Variants in PEBP4 observed in about 807,000 individuals in gnomAD.
PEBP4 encodes the protein phosphatidylethanolamine binding protein 4.
Under a neutral mutation model 23.9 loss-of-function variants are expected in PEBP4, and 22 were observed. That is an observed-to-expected ratio of 0.92 (90% CI 0.66 to 1.31). PEBP4 has a LOEUF of 1.31. PEBP4 is among the 40% of genes most tolerant of loss of function. The pLI is 0.00. For missense variants in PEBP4, 324 were observed against 281.7 expected, an observed-to-expected ratio of 1.15 and a Z score of -1.07; for synonymous variants, 112 against 99.3, an observed-to-expected ratio of 1.13 and a Z score of -0.76.
rs372987636 is a variant in PEBP4 at position 22,859,345 on chromosome 8, T to C, written c.259-41610A>G. ...ACTGAGGTTGCTTACAACTATTCAA[T>C]TGGAAAAAAGTCAGACTCATCAGGC... is the stretch of plus-strand genomic sequence containing the variant. On this transcript the variant is annotated intron_variant, in intron 3 of 6. Transcript: ENST00000256404. Among the ~76,000 whole-genome samples, 6 of 152,282 alleles carry C rather than the reference T, an allele frequency of 3.9e-5. No individual in the cohort carries two copies. The East Asian group carries it at 5.8e-4, about 15-fold the overall frequency.
intron 4 of PEBP4, among the ~76,000 whole-genome samples, chr8:22,743,067 A>G (rs1406725690): frequency 3.9e-5 from 6 of 152,222 alleles, no homozygotes; most frequent in Non-Finnish European, 2.9e-5. Flanking sequence ...TGGGGAGCCA[A>G]TGCTCTCTTA....
intron 4 of PEBP4, among the ~76,000 whole-genome samples, chr8:22,786,030 A>C (rs17088621): frequency 0.22 from 33,470 of 152,134 alleles, 3,926 homozygotes; most frequent in South Asian, 0.31. Context: ...AAAATAAGAC[A>C]GTGCATGTTT....
chr8:22,929,536 C>T (rs368340212), upstream of PEBP4, among the ~76,000 whole-genome samples: 25 of 152,300 alleles, frequency 1.6e-4, no homozygotes, highest in East Asian at 3.3e-3. Context: ...CTTTTATCTC[C>T]GAATCCTCAT....
intron 3 of PEBP4, among the ~76,000 whole-genome samples, chr8:22,891,666 A>T (rs1585328076): frequency 6.6e-6 from 1 of 152,216 alleles, no homozygotes; most frequent in African/African-American, 2.4e-5. Flanking sequence ...AAGCCCACTT[A>T]GGTGGGCCCG....
At chr8:22,859,823 T>G (rs1405027645) in intron 3 of PEBP4, among the ~76,000 whole-genome samples, 1 of 152,064 alleles carries the variant, frequency 6.6e-6, no homozygotes, top group East Asian at 1.9e-4. Flanking sequence ...TATCTTGCCT[T>G]ACATCTTTGT....
intron 4 of PEBP4, among the ~76,000 whole-genome samples, chr8:22,799,027 C>T (rs532452063): frequency 2.0e-5 from 3 of 152,160 alleles, no homozygotes; most frequent in South Asian, 2.1e-4. Context: ...AGTTAGCCAC[C>T]GTGCCTGGCC....
intron 3 of PEBP4, among the ~76,000 whole-genome samples, chr8:22,862,050 G>A (rs901836744): frequency 2.6e-5 from 4 of 152,110 alleles, no homozygotes; most frequent in Non-Finnish European, 2.9e-5. Context: ...AAAAGCGGCC[G>A]CTTGATCAGG....
chr8:22,785,193 G>A (rs1806004338), intron 4 of PEBP4, among the ~76,000 whole-genome samples: 1 of 152,208 alleles, frequency 6.6e-6, no homozygotes, highest in Admixed American at 6.5e-5. Context: ...CAAATGAGGG[G>A]AAGCTAGGAG....
rs1216050877 is a variant in PEBP4, at chr8:22,854,731, A to T, written c.259-36996T>A. Among the ~76,000 whole-genome samples the T allele has an allele frequency of 2.0e-5, 3 of 152,314 alleles. No homozygotes were observed. The South Asian group carries it at 6.2e-4, about 32-fold the overall frequency. ...AATTACCATAAATATGTGTAAAGAC[A>T]TTATAACGTGTAATTATGTCATATA... On this transcript the variant is annotated intron_variant, in intron 3 of 6. Coordinates refer to ENST00000256404, the MANE Select transcript of PEBP4 (RefSeq NM_144962.3).
At chr8:22,784,066 A>G (rs138980107) in intron 4 of PEBP4, among the ~76,000 whole-genome samples, 3 of 152,164 alleles carry the variant, frequency 2.0e-5, no homozygotes, top group African/African-American at 4.8e-5. Context: ...CTGGGCCTCA[A>G]TGTCCACATA....
chr8:22,723,601 G>C (rs573155773), intron 6 of PEBP4, among the ~76,000 whole-genome samples: 1 of 152,222 alleles, frequency 6.6e-6, no homozygotes, highest in Non-Finnish European at 1.5e-5. Context: ...GGTAGCCAGG[G>C]TGCTGGAGAC....
At chr8:22,849,915 C>T (rs10108600) in intron 3 of PEBP4, among the ~76,000 whole-genome samples, 4,188 of 152,026 alleles carry the variant, frequency 0.028, 167 homozygotes, top group African/African-American at 0.096. Flanking sequence ...CAGTGTACTC[C>T]GTGAAGGAGG....
rs576866886 is a variant in PEBP4 at position 22,865,554 on chromosome 8, G to A, written c.259-47819C>T. Among the ~76,000 whole-genome samples, 2 of 152,260 alleles carry A rather than the reference G, an allele frequency of 1.3e-5. No homozygotes were observed. The highest frequency in any genetic ancestry group is 1.9e-4 in the East Asian group (1 of 5,152). On this transcript the variant is annotated intron_variant, in intron 3 of 6. Transcript: ENST00000256404. This position sits in a 1 kb window ranked among gnomAD's most constrained non-coding sequence, Gnocchi z 6.9. ...AAGGCAAGGCGCTGCTGCCGGTGCC[G>A]GTGCCGCAGCCGCCGGGGAAGGAAT...
At chr8:22,831,257 C>T (rs1478853143) in intron 3 of PEBP4, among the ~76,000 whole-genome samples, 1 of 152,118 alleles carries the variant, frequency 6.6e-6, no homozygotes, top group Non-Finnish European at 1.5e-5. Context: ...CATTTCTTTC[C>T]CTCTGATGCT....
intron 3 of PEBP4, among the ~76,000 whole-genome samples, chr8:22,911,375 C>T (rs74980017): frequency 0.065 from 9,943 of 152,204 alleles, 1,091 homozygotes; most frequent in African/African-American, 0.22. Flanking sequence ...CCTCCTCTGG[C>T]AGTTCTCACC....
At chr8:22,780,711 G>A (rs541248494) in intron 4 of PEBP4, among the ~76,000 whole-genome samples, 2 of 152,326 alleles carry the variant, frequency 1.3e-5, no homozygotes, top group African/African-American at 4.8e-5. Flanking sequence ...TTCAGCAGCT[G>A]GAAGGATGTG....
chr8:22,808,203 T>TCCAC (rs910531983), intron 4 of PEBP4, among the ~76,000 whole-genome samples: 3 of 151,472 alleles, frequency 2.0e-5, no homozygotes, highest in Non-Finnish European at 4.4e-5. Flanking sequence ...CTTCCATCCA[T>TCCAC]CCACCCACCC....
At chr8:22,809,323 G>A (rs895170007) in intron 4 of PEBP4, among the ~76,000 whole-genome samples, 6 of 152,158 alleles carry the variant, frequency 3.9e-5, no homozygotes, top group Non-Finnish European at 7.3e-5. Context: ...CACTGCACTT[G>A]GAGCCCCGGT....
chr8:22,846,893 G>T (rs1013657835), intron 3 of PEBP4, among the ~76,000 whole-genome samples: 3 of 152,174 alleles, frequency 2.0e-5, no homozygotes, highest in African/African-American at 7.2e-5. Flanking sequence ...AGGGCACGAT[G>T]GCTCATGCCT....
Sources: gnomAD v4.1 joint callset for allele counts (sites outside exome capture counted in the v4.1 genomes callset) on GRCh38, gnomAD v4.1.1 for gene constraint, Gnocchi (gnomAD v3.1) non-coding constraint, MANE v1.5 for transcripts, NCBI Gene and HGNC (gene_info 2026-07-23, HGNC 2026-07-21) for gene names.